Variants in ZNRF2 observed in about 807,000 individuals in gnomAD.
ZNRF2 encodes the protein E3 ubiquitin-protein ligase ZNRF2.
ZNRF2 carries 16 observed loss-of-function variants against 20.4 expected under a neutral mutation model. The observed-to-expected ratio is 0.79, with a 90% confidence interval of 0.53 to 1.19. The LOEUF is 1.19. Among genes scored for constraint, ZNRF2 ranks in the 50% most tolerant of loss-of-function variants. ZNRF2 has a pLI of 0.00. For missense variants in ZNRF2, 363 were observed against 332.4 expected, an observed-to-expected ratio of 1.09 and a Z score of -0.72; for synonymous variants, 178 against 144.9, an observed-to-expected ratio of 1.23 and a Z score of -1.64.
At chr7:30,308,925 A>G (rs1332428348) in intron 1 of ZNRF2, among the ~76,000 whole-genome samples, 3 of 152,218 alleles carry the variant, frequency 2.0e-5, no homozygotes, top group African/African-American at 7.2e-5. Context: ...TGAACTAAAA[A>G]CTTCATATCT....
intron 2 of ZNRF2, among the ~76,000 whole-genome samples, chr7:30,342,815 G>T (rs1799817267): frequency 6.6e-6 from 1 of 151,964 alleles, no homozygotes; most frequent in Admixed American, 6.6e-5. Context: ...TTTTTTAGAT[G>T]AGGTACTTTG....
chr7:30,291,742 A>G (rs959400904), intron 1 of ZNRF2, among the ~76,000 whole-genome samples: 2 of 152,222 alleles, frequency 1.3e-5, no homozygotes, highest in South Asian at 2.1e-4. Flanking sequence ...TCTCTAATTC[A>G]GGATATTACA....
At chr7:30,363,102 C>T (rs960843115) in intron 4 of ZNRF2, among the ~76,000 whole-genome samples, 1 of 151,966 alleles carries the variant, frequency 6.6e-6, no homozygotes, top group African/African-American at 2.4e-5. Flanking sequence ...GCCTGGGCGA[C>T]AGAGCGAGTC....
chr7:30,355,226 C>T (rs1414282333), intron 2 of ZNRF2, among the ~76,000 whole-genome samples: 1 of 152,032 alleles, frequency 6.6e-6, no homozygotes, highest in Non-Finnish European at 1.5e-5. Flanking sequence ...TTTTGATATT[C>T]CTTTGCATTT....
intron 4 of ZNRF2, among the ~76,000 whole-genome samples, chr7:30,364,619 C>T (rs559917597): frequency 1.3e-5 from 2 of 152,254 alleles, no homozygotes; most frequent in South Asian, 4.1e-4. Context: ...CCTTCATTGT[C>T]ACCTTATGTT....
At chr7:30,314,760 G>GTTTCTGC (rs1449236830) in intron 1 of ZNRF2, among the ~76,000 whole-genome samples, 1 of 151,032 alleles carries the variant, frequency 6.6e-6, no homozygotes, top group Non-Finnish European at 1.5e-5. Flanking sequence ...ATCGCTCTGG[G>GTTTCTGC]TTTCTGCATA....
intron 1 of ZNRF2, 27 bp downstream of exon 1, chr7:30,285,853 G>C (rs1798776237): frequency 6.9e-7 from 1 of 1,451,266 alleles, no homozygotes; most frequent in Middle Eastern, 2.6e-4. Flanking sequence ...GCGCACCCGC[G>C]CTCGGTCCTC....
Position 30,323,644 on chromosome 7 carries a change from T to C in ZNRF2, c.472T>C (p.Phe158Leu). 1 of 1,586,408 alleles carries C rather than the reference T, an allele frequency of 6.3e-7. No homozygotes were observed. Residue 158 changes from phenylalanine to leucine, a missense_variant and splice_region_variant, in exon 2 of 5, where the codon TTT becomes CTT. Around this residue, in one of 2 missense-constraint regions of ZNRF2, gnomAD observed 302 missense variants for 231.5 expected, o/e 1.30. Coordinates refer to ENST00000323037, the MANE Select transcript of ZNRF2 (RefSeq NM_147128.4). ...AHLSPHMFGG[F>L]KCPVCSKFVS... Reference sequence around the variant, plus strand: ...CTTGAGTTTCTTTTGTTTTTTAGGATTTAAGTGCCCTGTATGCTCAAAATT... The same window carrying C: ...CTTGAGTTTCTTTTGTTTTTTAGGACTTAAGTGCCCTGTATGCTCAAAATT...
intron 4 of ZNRF2, among the ~76,000 whole-genome samples, chr7:30,365,461 G>A (rs1216838188): frequency 6.6e-6 from 1 of 152,138 alleles, no homozygotes; most frequent in Non-Finnish European, 1.5e-5. Context: ...AACCAATGGA[G>A]TCTGCTTCTG....
chr7:30,343,643 A>T (rs1206525084), intron 2 of ZNRF2, among the ~76,000 whole-genome samples: 1 of 151,492 alleles, frequency 6.6e-6, no homozygotes, highest in East Asian at 1.9e-4. Context: ...CAATAGTAAG[A>T]TTGTAATTCA....
chr7:30,352,437 C>G (rs1447409093), intron 2 of ZNRF2, among the ~76,000 whole-genome samples: 1 of 151,996 alleles, frequency 6.6e-6, no homozygotes, highest in African/African-American at 2.4e-5. Flanking sequence ...TTTAACTTTT[C>G]TTTTCCTGTA....
intron 1 of ZNRF2, among the ~76,000 whole-genome samples, chr7:30,287,281 A>G (rs1463792505): frequency 6.6e-6 from 1 of 152,234 alleles, no homozygotes; most frequent in African/African-American, 2.4e-5. Flanking sequence ...AGAATTGGTG[A>G]TTAGTGCGAG....
intron 1 of ZNRF2, among the ~76,000 whole-genome samples, chr7:30,300,919 TCAAA>T (rs1281618122): frequency 1.3e-5 from 2 of 152,200 alleles, no homozygotes; most frequent in Non-Finnish European, 2.9e-5. Flanking sequence ...TATAAATGAA[TCAAA>T]CAATTTAACT....
chr7:30,349,312 A>G (rs1799929218), intron 2 of ZNRF2, among the ~76,000 whole-genome samples: 1 of 152,142 alleles, frequency 6.6e-6, no homozygotes, highest in Non-Finnish European at 1.5e-5. Context: ...CATTTGCATT[A>G]TCTCCTAAGA....
intron 1 of ZNRF2, among the ~76,000 whole-genome samples, chr7:30,295,050 A>AGAGAGTGTGTGTGT (rs1412764480): frequency 2.9e-4 from 11 of 38,282 alleles, no homozygotes; most frequent in African/African-American, 3.8e-4. Context: ...AGAGAGAGAG[A>AGAGAGTGTGTGTGT]GTGTGTGTGT....
chr7:30,286,390 T>C (rs576898818), intron 1 of ZNRF2, among the ~76,000 whole-genome samples: 1 of 152,334 alleles, frequency 6.6e-6, no homozygotes, highest in African/African-American at 2.4e-5. Flanking sequence ...AGTTTGTTTT[T>C]AAACCTCACT....
chr7:30,348,672 T>C (rs1799916549), intron 2 of ZNRF2, among the ~76,000 whole-genome samples: 1 of 152,214 alleles, frequency 6.6e-6, no homozygotes, highest in Admixed American at 6.5e-5. Context: ...TGCCCCTTTT[T>C]GATAGGACTA....
Position 30,366,842 on chromosome 7 carries a change from A to G in ZNRF2, c.*830A>G, listed in dbSNP as rs948494316. 4 of 152,586 alleles carry G rather than the reference A, an allele frequency of 2.6e-5. No homozygotes were observed. The highest frequency in any genetic ancestry group is 9.6e-5 in the African/African-American group (4 of 41,452). 9.5% of individuals were successfully genotyped at this position (152,586 alleles called of 1,614,324 possible). On this transcript the variant is annotated 3_prime_UTR_variant, in exon 5 of 5. Transcript: ENST00000323037. Reference sequence around the variant, plus strand: ...CTTGCAGCTATGCAATTTAAAAAAAATACAGATTACCAATTTCAAGTGCTG... The same window carrying G: ...CTTGCAGCTATGCAATTTAAAAAAAGTACAGATTACCAATTTCAAGTGCTG...
intron 2 of ZNRF2, among the ~76,000 whole-genome samples, chr7:30,338,554 C>T (rs1050199370): frequency 4.0e-5 from 6 of 151,498 alleles, no homozygotes; most frequent in African/African-American, 1.5e-4. Flanking sequence ...TGTTAGTTTG[C>T]TGAGAATGAT....
Sources: gnomAD v4.1 joint callset for allele counts (sites outside exome capture counted in the v4.1 genomes callset) on GRCh38, gnomAD v4.1.1 for gene constraint, gnomAD v4.1.1 regional missense constraint, MANE v1.5 for transcripts, NCBI Gene and HGNC (gene_info 2026-07-23, HGNC 2026-07-21) for gene names.